The following FAM193A variants were observed in gnomAD, a reference collection of about 807,000 sequenced individuals.
FAM193A encodes the protein family with sequence similarity 193 member A.
A neutral mutation model predicts 126.5 loss-of-function variants in FAM193A; 22 were observed. The ratio of observed to expected loss-of-function variants is 0.17; its 90% CI spans 0.12 to 0.25. The LOEUF (loss-of-function observed/expected upper bound fraction) is 0.25. Ranked by LOEUF, FAM193A falls within the 10% of genes least tolerant of loss-of-function variation. The pLI, the probability that FAM193A is intolerant of heterozygous loss-of-function variation, is 1.00. For missense variants in FAM193A, 1,675 were observed against 1,672.8 expected, an observed-to-expected ratio of 1.00 and a Z score of -0.02; for synonymous variants, 761 against 646.8, an observed-to-expected ratio of 1.18 and a Z score of -2.68.
intron 20 of FAM193A, among the ~76,000 whole-genome samples, chr4:2,731,338 C>T (rs893517593): frequency 6.6e-5 from 10 of 151,684 alleles, no homozygotes; most frequent in African/African-American, 2.2e-4. Flanking sequence ...TGAACTCCAG[C>T]CTGGGCAAGA....
At chr4:2,600,265 G>T (rs1035317428) in intron 2 of FAM193A, among the ~76,000 whole-genome samples, 1 of 152,076 alleles carries the variant, frequency 6.6e-6, no homozygotes, top group Non-Finnish European at 1.5e-5. Flanking sequence ...GGTTTATCAC[G>T]TCTCCCCGAC....
rs1238052728 is a variant in FAM193A, at chr4:2,626,580, A to G, written c.803+3A>G. ...GGAGTGAAGGAGCTCGTGGATAGGT[A>G]CATACTGCCCTTTCCTGTTGTGGCC... On this transcript the variant is annotated splice_donor_region_variant and intron_variant, in intron 4 of 20. Coordinates refer to ENST00000637812, the MANE Select transcript of FAM193A (RefSeq NM_001366318.2). The G allele has an allele frequency of 1.0e-5, 7 of 694,082 alleles. No individual in the cohort carries two copies. Among genetic ancestry groups the G allele is most frequent in the Non-Finnish European group, 1.8e-5 (7 of 378,832 alleles). 43.0% of individuals were successfully genotyped at this position (694,082 alleles called of 1,614,324 possible).
intron 1 of FAM193A, among the ~76,000 whole-genome samples, chr4:2,560,750 C>T (rs992498238): frequency 6.6e-6 from 1 of 152,182 alleles, no homozygotes; most frequent in Non-Finnish European, 1.5e-5. Flanking sequence ...CTTTCCACTT[C>T]TGTTGGGTTA....
chr4:2,675,498 G>T (rs577937425), intron 13 of FAM193A, among the ~76,000 whole-genome samples: 3 of 152,220 alleles, frequency 2.0e-5, no homozygotes, highest in South Asian at 2.1e-4. Context: ...ATTATGTAAT[G>T]CTCCTTACTA....
At chr4:2,660,485 T>C (rs1318527771) in intron 10 of FAM193A, among the ~76,000 whole-genome samples, 2 of 152,222 alleles carry the variant, frequency 1.3e-5, no homozygotes, top group Non-Finnish European at 2.9e-5. Context: ...CCCGCATGAT[T>C]AGAAGTACAT....
intron 7 of FAM193A, among the ~76,000 whole-genome samples, chr4:2,655,794 G>T (rs1418135806): frequency 3.9e-5 from 6 of 152,086 alleles, no homozygotes; most frequent in African/African-American, 1.4e-4. Flanking sequence ...AGCCAGGTGT[G>T]GTGGTGTGTG....
rs548401398 is a variant in FAM193A, at chr4:2,681,301, A to AT, written c.2332-8195dup. On this transcript the variant is annotated intron_variant, in intron 13 of 20. Coordinates refer to ENST00000637812, the MANE Select transcript of FAM193A (RefSeq NM_001366318.2). ...AAAGAACTATATTTTGGTTTCATTG[A>AT]TTTTTTTTTTCCCCTATTGTTTTTC... Among the ~76,000 whole-genome samples, 485 of 144,866 alleles carry AT rather than the reference A, an allele frequency of 3.3e-3. 1 individual carries two copies. The highest frequency in any genetic ancestry group is 5.8e-3 in the African/African-American group (228 of 39,304).
intron 2 of FAM193A, among the ~76,000 whole-genome samples, chr4:2,599,884 C>T (rs930362753): frequency 5.9e-5 from 9 of 151,698 alleles, no homozygotes; most frequent in African/African-American, 1.9e-4. Flanking sequence ...TATAGGCATG[C>T]GCCATCACAC....
At chr4:2,665,891 G>C (rs1286271621) in intron 12 of FAM193A, among the ~76,000 whole-genome samples, 1 of 152,118 alleles carries the variant, frequency 6.6e-6, no homozygotes, top group Admixed American at 6.5e-5. Flanking sequence ...CTGTTGCCCA[G>C]GCTGGTGTGC....
At chr4:2,650,798 A>C (rs144854570) in intron 7 of FAM193A, among the ~76,000 whole-genome samples, 2 of 152,284 alleles carry the variant, frequency 1.3e-5, no homozygotes, top group East Asian at 3.9e-4. Flanking sequence ...ATAAAAAAAG[A>C]GGAGCCCCAA....
intron 7 of FAM193A, among the ~76,000 whole-genome samples, chr4:2,655,972 G>A (rs1194616067): frequency 1.3e-5 from 2 of 152,086 alleles, no homozygotes; most frequent in African/African-American, 2.4e-5. Context: ...TTTTTGTAGC[G>A]GTGGGGGTCT....
chr4:2,622,225 C>G (rs1159869954), intron 2 of FAM193A, among the ~76,000 whole-genome samples: 1 of 138,936 alleles, frequency 7.2e-6, no homozygotes, highest in Non-Finnish European at 1.5e-5. Context: ...CCACTGCACT[C>G]CAGCCTGGGT....
intron 20 of FAM193A, among the ~76,000 whole-genome samples, chr4:2,717,598 G>GAAAA (rs571958608): frequency 6.9e-5 from 8 of 115,386 alleles, no homozygotes; most frequent in Non-Finnish European, 1.8e-5. Context: ...TTTGTCTCAG[G>GAAAA]AAAAAAAAAA....
chr4:2,585,332 C>G (rs1740173144), intron 1 of FAM193A, among the ~76,000 whole-genome samples: 1 of 152,220 alleles, frequency 6.6e-6, no homozygotes, highest in Non-Finnish European at 1.5e-5. Flanking sequence ...CCTATTTTCA[C>G]TCTACCAGCA....
chr4:2,610,768 G>A (rs922569977), intron 2 of FAM193A, among the ~76,000 whole-genome samples: 2 of 151,328 alleles, frequency 1.3e-5, no homozygotes, highest in African/African-American at 4.9e-5. Context: ...ATGGAGTTTC[G>A]CTCTTGTCAC....
chr4:2,629,326 CT>C (rs1743319793), intron 4 of FAM193A, among the ~76,000 whole-genome samples: 1 of 151,934 alleles, frequency 6.6e-6, no homozygotes, highest in East Asian at 1.9e-4. Context: ...CCTTCTGTGG[CT>C]TTATTTTAAT....
At chr4:2,569,168 G>A (rs1280514261) in intron 1 of FAM193A, among the ~76,000 whole-genome samples, 1 of 151,760 alleles carries the variant, frequency 6.6e-6, no homozygotes, top group Non-Finnish European at 1.5e-5. Context: ...ATGTGGTTTT[G>A]CCATGTTGGC....
In FAM193A at chr4:2,719,609, G is replaced by A. The variant is rs530817839; in HGVS notation, c.4454+3505G>A. ...AAAAATACAAAATTAGCCAGGCATC[G>A]TAGCGCATGCCTGTAATCCCAGCTA... On this transcript the variant is annotated intron_variant, in intron 20 of 20. Transcript: ENST00000637812. Among the ~76,000 whole-genome samples, 10 of 152,038 alleles carry A rather than the reference G, an allele frequency of 6.6e-5. No homozygotes were observed. The South Asian group carries it at 1.7e-3, about 25-fold the overall frequency.
intron 1 of FAM193A, among the ~76,000 whole-genome samples, chr4:2,563,621 A>G (rs986051688): frequency 1.3e-5 from 2 of 152,220 alleles, no homozygotes; most frequent in African/African-American, 4.8e-5. Context: ...GTGTGGAACA[A>G]CAAGGACATT....
Sources: allele counts gnomAD v4.1 joint callset (sites outside exome capture counted in the v4.1 genomes callset), GRCh38; gene constraint gnomAD v4.1.1; transcripts MANE v1.5; gene names NCBI Gene and HGNC (gene_info 2026-07-23, HGNC 2026-07-21).